Variants in EPHA6 observed in about 807,000 individuals in gnomAD.
EPHA6 encodes the protein EPH receptor A6, also known as ephrin type-A receptor 6.
Under a neutral mutation model 112.0 loss-of-function variants are expected in EPHA6, and 50 were observed. The ratio of observed to expected loss-of-function variants is 0.45; its 90% CI spans 0.36 to 0.56. The LOEUF is 0.56. EPHA6 is among the 20% of genes least tolerant of loss of function. The pLI is 0.00. For missense variants in EPHA6, 1,280 were observed against 1,417.4 expected (o/e 0.90, Z 1.56); for synonymous variants, 529 against 490.7 (o/e 1.08, Z -1.03).
intron 11 of EPHA6, among the ~76,000 whole-genome samples, chr3:97,553,941 A>G (rs905798081): frequency 6.6e-6 from 1 of 152,180 alleles, no homozygotes; most frequent in Non-Finnish European, 1.5e-5. Flanking sequence ...GTTTGTATGC[A>G]TCATCTATAT....
intron 10 of EPHA6, among the ~76,000 whole-genome samples, chr3:97,529,001 G>A (rs956801742): frequency 6.6e-6 from 1 of 152,082 alleles, no homozygotes; most frequent in Non-Finnish European, 1.5e-5. Flanking sequence ...ATTTAATAGT[G>A]AAGCATTCCT....
intron 3 of EPHA6, among the ~76,000 whole-genome samples, chr3:96,993,671 C>CCTT (rs775461345): frequency 6.6e-6 from 1 of 152,156 alleles, no homozygotes; most frequent in Non-Finnish European, 1.5e-5. Flanking sequence ...GCCTGCTCTG[C>CCTT]CTTCTATTTC....
chr3:96,949,793 T>C (rs1164688385), intron 2 of EPHA6, among the ~76,000 whole-genome samples: 1 of 152,148 alleles, frequency 6.6e-6, no homozygotes, highest in Non-Finnish European at 1.5e-5. Flanking sequence ...AAACTTACTC[T>C]CTCTAGGACA....
intron 10 of EPHA6, among the ~76,000 whole-genome samples, chr3:97,507,070 G>A (rs1190696253): frequency 1.3e-5 from 2 of 152,198 alleles, no homozygotes; most frequent in African/African-American, 4.8e-5. Context: ...TTTGAGCTGA[G>A]ATGATGGGGT....
intron 3 of EPHA6, among the ~76,000 whole-genome samples, chr3:97,185,625 C>A (rs1369820646): frequency 1.3e-5 from 2 of 152,020 alleles, no homozygotes; most frequent in Non-Finnish European, 2.9e-5. Context: ...GGAATGTAAA[C>A]TAGCTCAACC....
chr3:97,406,490 G>C (rs1487365309), intron 6 of EPHA6, among the ~76,000 whole-genome samples: 1 of 152,104 alleles, frequency 6.6e-6, no homozygotes, highest in Non-Finnish European at 1.5e-5. Flanking sequence ...TGAAGCCATA[G>C]TCTTCATGGC....
At chr3:97,499,271 A>T (rs946591625) in intron 10 of EPHA6, among the ~76,000 whole-genome samples, 2 of 152,170 alleles carry the variant, frequency 1.3e-5, no homozygotes, top group Non-Finnish European at 2.9e-5. Flanking sequence ...GCTTCCTTAC[A>T]GCACCCACAT....
At chr3:97,351,822 A>C (rs2083829221) in intron 5 of EPHA6, among the ~76,000 whole-genome samples, 1 of 152,166 alleles carries the variant, frequency 6.6e-6, no homozygotes, top group African/African-American at 2.4e-5. Flanking sequence ...TGGAGAGTAT[A>C]GTTTGGAAGA....
At chr3:97,256,008 A>G (rs2079298525) in intron 5 of EPHA6, among the ~76,000 whole-genome samples, 1 of 152,148 alleles carries the variant, frequency 6.6e-6, no homozygotes, top group Non-Finnish European at 1.5e-5. Context: ...AATGCAAAAA[A>G]CAATCAAAAT....
At position 97,678,968 on chromosome 3, in the gene EPHA6, C is replaced by T. The variant is rs562513396; in HGVS notation, c.2784+40886C>T. Among the ~76,000 whole-genome samples, 20 of 152,250 alleles carry T rather than the reference C, an allele frequency of 1.3e-4. No individual in the cohort carries two copies. In the East Asian group the frequency reaches 3.7e-3, roughly 28 times the overall value. On this transcript the variant is annotated intron_variant, in intron 14 of 17. Transcript: ENST00000389672. Reference sequence around the variant, plus strand: ...CTCTATCTTTTAATAAAGATTTCAACCCATCTCTATTTATTGTGATAACTA... The same window carrying T: ...CTCTATCTTTTAATAAAGATTTCAATCCATCTCTATTTATTGTGATAACTA...
At chr3:97,420,777 A>G (rs186225944) in intron 6 of EPHA6, among the ~76,000 whole-genome samples, 1 of 152,104 alleles carries the variant, frequency 6.6e-6, no homozygotes, top group African/African-American at 2.4e-5. Flanking sequence ...ACTCAGAAGC[A>G]TAGGTACAAA....
At chr3:96,826,832 T>C (rs953202570) in intron 1 of EPHA6, among the ~76,000 whole-genome samples, 2 of 152,144 alleles carry the variant, frequency 1.3e-5, no homozygotes, top group Admixed American at 1.3e-4. Flanking sequence ...TGAAGACTCA[T>C]GCACACATTG....
At chr3:96,929,447 G>A (rs2107651624) in intron 2 of EPHA6, among the ~76,000 whole-genome samples, 1 of 152,282 alleles carries the variant, frequency 6.6e-6, no homozygotes, top group African/African-American at 2.4e-5. Context: ...AATTCCCTCA[G>A]CATTTGCTTA....
chr3:97,295,378 T>C (rs2080838151), intron 5 of EPHA6, among the ~76,000 whole-genome samples: 1 of 152,108 alleles, frequency 6.6e-6, no homozygotes, highest in African/African-American at 2.4e-5. Context: ...AAATGTATTT[T>C]TTATTTCATT....
At position 97,465,625 on chromosome 3, in the gene EPHA6, TACTC is replaced by T. The variant is rs1204627981; in HGVS notation, c.1895-9723_1895-9720del. ...TGATCCAAAAGCTTCCCTTAGAACT[TACTC>T]ACTTTCAGGAGATGGTTAAATGAGT... On this transcript the variant is annotated intron_variant, in intron 7 of 17. Coordinates refer to ENST00000389672, the MANE Select transcript of EPHA6 (RefSeq NM_001080448.3). 3.9e-5 allele frequency among the ~76,000 whole-genome samples: 6 copies of T among 152,166 alleles called. No homozygotes were observed. In the South Asian group the frequency reaches 1.0e-3, roughly 26 times the overall value.
chr3:97,736,674 A>T (rs79816388), intron 16 of EPHA6, among the ~76,000 whole-genome samples: 7,716 of 152,018 alleles, frequency 0.051, 293 homozygotes, highest in Non-Finnish European at 0.08. Flanking sequence ...AGAAAAGAAC[A>T]GATAACAAGA....
At chr3:97,505,490 C>A (rs1208442738) in intron 10 of EPHA6, among the ~76,000 whole-genome samples, 3 of 152,154 alleles carry the variant, frequency 2.0e-5, no homozygotes, top group Non-Finnish European at 4.4e-5. Flanking sequence ...TTTCCAGCTT[C>A]ATCCATGTCC....
chr3:97,090,960 G>A (rs1368871593), intron 3 of EPHA6, among the ~76,000 whole-genome samples: 2 of 152,084 alleles, frequency 1.3e-5, no homozygotes, highest in African/African-American at 4.8e-5. Flanking sequence ...TTTAACACCT[G>A]TTTACACTAA....
intron 5 of EPHA6, among the ~76,000 whole-genome samples, chr3:97,265,079 C>T (rs188428539): frequency 6.6e-6 from 1 of 152,264 alleles, no homozygotes; most frequent in Admixed American, 6.5e-5. Context: ...TGCAACTGGT[C>T]ATCCTGTCGT....
Sources: gnomAD v4.1 joint callset for allele counts (sites outside exome capture counted in the v4.1 genomes callset) on GRCh38, gnomAD v4.1.1 for gene constraint, MANE v1.5 for transcripts, NCBI Gene and HGNC (gene_info 2026-07-23, HGNC 2026-07-21) for gene names.